Variants in NBAS observed in about 807,000 individuals in gnomAD.
The protein encoded by NBAS is NAG/BC035112 fusion.
NBAS carries 219 observed loss-of-function variants against 302.5 expected under a neutral mutation model. That is an observed-to-expected ratio of 0.72 (90% CI 0.65 to 0.81). The LOEUF (loss-of-function observed/expected upper bound fraction) is 0.81. Among genes scored for constraint, NBAS ranks in the 30% least tolerant of loss-of-function variants. The pLI is 0.00. For synonymous variants in NBAS, 1,118 were observed against 1,021.6 expected (o/e 1.09, Z -1.80); for missense variants, 2,932 against 2,841.6 (o/e 1.03, Z -0.72).
Position 15,190,512 on chromosome 2 carries a change from G to A in NBAS, c.6433-109C>T, listed in dbSNP as rs974350344. On this transcript the variant is annotated intron_variant, in intron 48 of 51. Transcript: ENST00000281513. Reference sequence around the variant, plus strand: ...ACTTTTTTTTAAAATGTTTTACAATGTGTTAAGATTCAACATCAGAAAAAC... The same window carrying A: ...ACTTTTTTTTAAAATGTTTTACAATATGTTAAGATTCAACATCAGAAAAAC... 4 of 1,311,264 alleles carry A rather than the reference G, an allele frequency of 3.1e-6. No homozygotes were observed. The African/African-American group carries it at 6.0e-5, about 20-fold the overall frequency. The allele number at this position is 1,311,264 out of a possible 1,614,324, so 81.2% of individuals were successfully genotyped here.
chr2:15,451,002 T>A (rs1678978213), intron 21 of NBAS, among the ~76,000 whole-genome samples: 1 of 152,120 alleles, frequency 6.6e-6, no homozygotes, highest in Non-Finnish European at 1.5e-5. Flanking sequence ...CTGGGACTGT[T>A]TGGGAGAAAA....
chr2:14,869,739 C>T, the NBAS span, among the ~76,000 whole-genome samples: 1 of 152,146 alleles, frequency 6.6e-6, no homozygotes, highest in South Asian at 2.1e-4. Flanking sequence ...GCCATGACTG[C>T]TGCCCTTATC....
chr2:14,878,304 C>T, the NBAS span, among the ~76,000 whole-genome samples: 81 of 152,286 alleles, frequency 5.3e-4, no homozygotes, highest in South Asian at 2.7e-3. Flanking sequence ...TGAACTGCAA[C>T]GCCATTGCAG....
chr2:15,110,692 A>G, the NBAS span, among the ~76,000 whole-genome samples: 1 of 152,106 alleles, frequency 6.6e-6, no homozygotes. Flanking sequence ...CAACATGAGA[A>G]AAAAATACCT....
chr2:15,198,086 A>G (rs1440741422), intron 48 of NBAS, among the ~76,000 whole-genome samples: 2 of 152,232 alleles, frequency 1.3e-5, no homozygotes, highest in Non-Finnish European at 2.9e-5. Flanking sequence ...CTTTTCATTT[A>G]GATGGTCATA....
At chr2:15,234,495 C>T in intron 46 of NBAS, 50 bp downstream of exon 46, 8 of 1,576,824 alleles carry the variant, frequency 5.1e-6, no homozygotes, top group South Asian at 1.1e-5. Context: ...AGCACCATCA[C>T]TGACAAAGTG....
the NBAS span, among the ~76,000 whole-genome samples, chr2:14,966,718 T>C: frequency 1.3e-5 from 2 of 152,190 alleles, no homozygotes; most frequent in Non-Finnish European, 2.9e-5. Flanking sequence ...TGACTACTTG[T>C]TTTCTCCCTG....
intron 25 of NBAS, among the ~76,000 whole-genome samples, chr2:15,414,917 C>G (rs1406854845): frequency 6.6e-6 from 1 of 152,074 alleles, no homozygotes; most frequent in African/African-American, 2.4e-5. Flanking sequence ...TGCACTCCAG[C>G]CTGGCCGAAA....
chr2:15,485,815 TAG>T (rs1315150567), intron 12 of NBAS, among the ~76,000 whole-genome samples: 1 of 151,958 alleles, frequency 6.6e-6, no homozygotes, highest in African/African-American at 2.4e-5. Context: ...CAAGAGGATC[TAG>T]GAAGTAGAGC....
At chr2:14,966,339 T>C in the NBAS span, among the ~76,000 whole-genome samples, 1 of 152,206 alleles carries the variant, frequency 6.6e-6, no homozygotes, top group Admixed American at 6.5e-5. Flanking sequence ...AATCAATTAA[T>C]GTAATCTACC....
chr2:15,317,772 T>C (rs1341964790), intron 38 of NBAS, among the ~76,000 whole-genome samples: 3 of 152,178 alleles, frequency 2.0e-5, no homozygotes, highest in Non-Finnish European at 4.4e-5. Context: ...CTACGTTTGA[T>C]TGGTGTACCT....
At chr2:15,455,750 A>G (rs1462129700) in intron 21 of NBAS, among the ~76,000 whole-genome samples, 1 of 150,850 alleles carries the variant, frequency 6.6e-6, no homozygotes, top group Non-Finnish European at 1.5e-5. Context: ...GATCACAAAC[A>G]TAGGCAACTA....
chr2:15,155,651 C>G, the NBAS span, among the ~76,000 whole-genome samples: 2 of 152,228 alleles, frequency 1.3e-5, no homozygotes, highest in Non-Finnish European at 2.9e-5. Context: ...CAGCACCACA[C>G]ACTTCCAAGC....
chr2:14,824,874 A>G, the NBAS span, among the ~76,000 whole-genome samples: 1 of 152,010 alleles, frequency 6.6e-6, no homozygotes, highest in Non-Finnish European at 1.5e-5. Flanking sequence ...GAAAAGGAAA[A>G]TGCATGAGAA....
Position 15,501,529 on chromosome 2 carries a change from T to C in NBAS, c.954+2616A>G, listed in dbSNP as rs190917939. Among the ~76,000 whole-genome samples, 14 of 151,756 alleles carry C rather than the reference T, an allele frequency of 9.2e-5. No homozygotes were observed. The East Asian group carries it at 2.7e-3, about 29-fold the overall frequency. On this transcript the variant is annotated intron_variant, in intron 11 of 51. Transcript: ENST00000281513. ...ATTTTATGTATATTACCTCTAATACTATACAATCTCAGTGTTGTTAGAGTT... is the reference window on the plus strand; with the variant it reads ...ATTTTATGTATATTACCTCTAATACCATACAATCTCAGTGTTGTTAGAGTT...
chr2:14,902,706 G>A, the NBAS span, among the ~76,000 whole-genome samples: 1 of 152,192 alleles, frequency 6.6e-6, no homozygotes, highest in African/African-American at 2.4e-5. Flanking sequence ...GAGCTTCTGG[G>A]AGGTTGGGAA....
the NBAS span, among the ~76,000 whole-genome samples, chr2:15,030,275 G>A: frequency 2.6e-5 from 4 of 152,222 alleles, no homozygotes; most frequent in African/African-American, 9.6e-5. Flanking sequence ...GAAGTTCAGG[G>A]TGGTGGAGCA....
intron 35 of NBAS, among the ~76,000 whole-genome samples, chr2:15,342,614 T>G (rs1283765324): frequency 6.6e-6 from 1 of 151,968 alleles, no homozygotes; most frequent in African/African-American, 2.4e-5. Context: ...TTCATGGGGC[T>G]CAGAAAGATC....
chr2:15,173,716 G>C (rs968021330), intron 51 of NBAS, among the ~76,000 whole-genome samples: 1 of 152,038 alleles, frequency 6.6e-6, no homozygotes, highest in Non-Finnish European at 1.5e-5. Flanking sequence ...ATCTCACAAC[G>C]AGACGGAGAC....
Sources: gnomAD v4.1 joint callset for allele counts (sites outside exome capture counted in the v4.1 genomes callset) on GRCh38, gnomAD v4.1.1 for gene constraint, MANE v1.5 for transcripts, NCBI Gene and HGNC (gene_info 2026-07-23, HGNC 2026-07-21) for gene names.